EYS: variants seen among roughly 807,000 people sequenced by gnomAD.
EYS encodes protein eyes shut homolog.
Under a neutral mutation model 282.1 loss-of-function variants are expected in EYS, and 250 were observed. That is an observed-to-expected ratio of 0.89 (90% CI 0.80 to 0.98). The LOEUF is 0.98. Ranked by LOEUF, EYS falls within the 50% of genes least tolerant of loss-of-function variation. EYS has a pLI of 0.00. For synonymous variants in EYS, 1,355 were observed against 1,282.9 expected (o/e 1.06, Z -1.20); for missense variants, 4,016 against 3,709.0 (o/e 1.08, Z -2.15).
chr6:65,382,827 G>A (rs1332995912), intron 8 of EYS, among the ~76,000 whole-genome samples: 3 of 151,902 alleles, frequency 2.0e-5, no homozygotes, highest in Non-Finnish European at 4.4e-5. Context: ...ATTAGATGGT[G>A]CCCACCTAGA....
intron 19 of EYS, among the ~76,000 whole-genome samples, chr6:64,850,102 T>C (rs1765836288): frequency 6.6e-6 from 1 of 152,136 alleles, no homozygotes; most frequent in Non-Finnish European, 1.5e-5. Flanking sequence ...CCATGAACAA[T>C]TGTTGGTAGT....
intron 30 of EYS, among the ~76,000 whole-genome samples, chr6:64,258,704 C>A (rs1767484143): frequency 6.6e-6 from 1 of 152,044 alleles, no homozygotes; most frequent in Non-Finnish European, 1.5e-5. Flanking sequence ...TGTCTCAGTA[C>A]TTCTAGGCTG....
chr6:63,878,231 C>T lies in EYS; in HGVS notation c.7056-13873G>A, dbSNP rs190309144. Among the ~76,000 whole-genome samples, 713 of 152,308 alleles carry T rather than the reference C, an allele frequency of 4.7e-3. 5 individuals are homozygous for T. The highest frequency in any genetic ancestry group is 0.017 in the African/African-American group (689 of 41,556). ...TCAGCTGCAGGTCTGTTGGAGTTTC[C>T]TGGAGGTCCACTCCAGACCCTGTTT... On this transcript the variant is annotated intron_variant, in intron 35 of 42. Transcript: ENST00000503581.
intron 11 of EYS, among the ~76,000 whole-genome samples, chr6:65,312,942 A>C (rs1277374699): frequency 1.3e-5 from 2 of 152,026 alleles, no homozygotes; most frequent in African/African-American, 2.4e-5. Context: ...CTGCGTTGTC[A>C]CTTCCCCTAA....
intron 26 of EYS, among the ~76,000 whole-genome samples, chr6:64,527,516 A>T (rs371513570): frequency 1.3e-5 from 2 of 151,822 alleles, no homozygotes; most frequent in African/African-American, 4.8e-5. Context: ...TGTTCACACG[A>T]CTATCCTTGA....
intron 1 of EYS, among the ~76,000 whole-genome samples, chr6:65,698,690 T>G (rs989321829): frequency 6.6e-6 from 1 of 152,174 alleles, no homozygotes; most frequent in African/African-American, 2.4e-5. Flanking sequence ...TTACATGAAT[T>G]GCTAAAACAT....
At chr6:65,132,455 A>G (rs1460029521) in intron 12 of EYS, among the ~76,000 whole-genome samples, 2 of 152,100 alleles carry the variant, frequency 1.3e-5, no homozygotes, top group Non-Finnish European at 2.9e-5. Flanking sequence ...AAATAAAAGC[A>G]AACCCCATGT....
chr6:65,086,906 T>A (rs1175224252), intron 12 of EYS, among the ~76,000 whole-genome samples: 1 of 151,808 alleles, frequency 6.6e-6, no homozygotes, highest in Non-Finnish European at 1.5e-5. Flanking sequence ...TCACTGCACC[T>A]CCACCTCCCA....
intron 5 of EYS, among the ~76,000 whole-genome samples, chr6:65,425,922 G>A (rs1049413636): frequency 5.9e-5 from 9 of 152,086 alleles, no homozygotes; most frequent in Non-Finnish European, 1.0e-4. Context: ...TCAAGTGCAT[G>A]TAACCAAACT....
rs990273081 is a variant in EYS at position 65,334,885 on chromosome 6, C to T, written c.1766+95G>A. On this transcript the variant is annotated intron_variant, in intron 11 of 42. Coordinates refer to ENST00000503581, the MANE Select transcript of EYS (RefSeq NM_001142800.2). ...TGGAAATTCCAATCATTTTAATCAA[C>T]AAAAACATTGTTACCATGAAACAGT... 3.1e-5 allele frequency: 37 copies of T among 1,207,974 alleles called. No individual in the cohort carries two copies. The East Asian group carries it at 8.5e-4, about 28-fold the overall frequency. The allele number at this position is 1,207,974 out of a possible 1,614,324, so 74.8% of individuals were successfully genotyped here.
intron 5 of EYS, among the ~76,000 whole-genome samples, chr6:65,458,377 G>C (rs1444940464): frequency 6.6e-6 from 1 of 152,022 alleles, no homozygotes; most frequent in African/African-American, 2.4e-5. Flanking sequence ...CATCTTTGTA[G>C]TCTTAGTTCT....
At chr6:64,122,752 T>C (rs944674602) in intron 31 of EYS, among the ~76,000 whole-genome samples, 2 of 151,986 alleles carry the variant, frequency 1.3e-5, no homozygotes, top group African/African-American at 4.8e-5. Flanking sequence ...ATATTTAAGA[T>C]ACTGTAAAGA....
At chr6:64,891,407 T>C (rs11964458) in intron 18 of EYS, among the ~76,000 whole-genome samples, 12,286 of 152,112 alleles carry the variant, frequency 0.081, 782 homozygotes, top group African/African-American at 0.18. Context: ...TGCCCTGCTC[T>C]CTTCCCGCTC....
rs768425877 is a variant in EYS, at chr6:65,576,664, T to TTA, written c.-333+63112_-333+63113dup. ...ATTTTGGTTTTCAGATTACATAATC[T>TTA]TATATATAGAAAACCCTAAAAACTC... On this transcript the variant is annotated intron_variant, in intron 2 of 42. Coordinates refer to ENST00000503581, the MANE Select transcript of EYS (RefSeq NM_001142800.2). 1.6e-4 allele frequency among the ~76,000 whole-genome samples: 24 copies of TTA among 152,006 alleles called. No individual in the cohort carries two copies. The East Asian group carries it at 3.1e-3, about 20-fold the overall frequency.
intron 31 of EYS, among the ~76,000 whole-genome samples, chr6:64,172,218 T>G (rs1384209581): frequency 6.6e-6 from 1 of 152,182 alleles, no homozygotes; most frequent in East Asian, 1.9e-4. Flanking sequence ...CATCTTTTTT[T>G]TTTAATTCTG....
chr6:64,157,087 T>TC (rs1385705884), intron 31 of EYS, among the ~76,000 whole-genome samples: 1 of 129,780 alleles, frequency 7.7e-6, no homozygotes, highest in Non-Finnish European at 1.6e-5. Flanking sequence ...ATGTTCCCCT[T>TC]CTGTGTCCAT....
At chr6:65,594,102 G>A (rs554960191) in intron 2 of EYS, among the ~76,000 whole-genome samples, 1 of 151,842 alleles carries the variant, frequency 6.6e-6, no homozygotes, top group Non-Finnish European at 1.5e-5. Flanking sequence ...TCTGGCAAGT[G>A]TTAGGTTATT....
intron 26 of EYS, among the ~76,000 whole-genome samples, chr6:64,521,430 T>A (rs1002377883): frequency 6.6e-6 from 1 of 151,734 alleles, no homozygotes; most frequent in East Asian, 1.9e-4. Flanking sequence ...ATTATTTCAG[T>A]CTGCAACACC....
At chr6:65,104,805 AT>A (rs1290174683) in intron 12 of EYS, among the ~76,000 whole-genome samples, 1 of 151,498 alleles carries the variant, frequency 6.6e-6, no homozygotes, top group African/African-American at 2.4e-5. Context: ...TTTTCTTTAT[AT>A]TTTCCTTTAA....
Sources: allele counts gnomAD v4.1 joint callset (sites outside exome capture counted in the v4.1 genomes callset), GRCh38; gene constraint gnomAD v4.1.1; transcripts MANE v1.5; gene names NCBI Gene and HGNC (gene_info 2026-07-23, HGNC 2026-07-21).